Variants in CNTN3 observed in about 807,000 individuals in gnomAD.
CNTN3 encodes the protein contactin 3, also known as contactin-3.
A neutral mutation model predicts 119.1 loss-of-function variants in CNTN3; 60 were observed. That is an observed-to-expected ratio of 0.50 (90% CI 0.41 to 0.62). The LOEUF is 0.62. Among genes scored for constraint, CNTN3 ranks in the 20% least tolerant of loss-of-function variants. The pLI is 0.00. For synonymous variants in CNTN3, 450 were observed against 438.7 expected (o/e 1.03, Z -0.32); for missense variants, 1,101 against 1,242.4 (o/e 0.89, Z 1.71).
chr3:74,581,974 T>C (rs543046700), intron 1 of CNTN3, among the ~76,000 whole-genome samples: 2 of 152,218 alleles, frequency 1.3e-5, no homozygotes, highest in South Asian at 2.1e-4. Context: ...GGTCTAAACA[T>C]AAAACAACAA....
chr3:74,366,780 G>GTATATATATATATA (rs59223804), intron 8 of CNTN3, among the ~76,000 whole-genome samples: 1,310 of 63,634 alleles, frequency 0.021, 75 homozygotes, highest in East Asian at 0.063. Context: ...GTGTGTGTGT[G>GTATATATATATATA]TATATATATA....
intron 13 of CNTN3, among the ~76,000 whole-genome samples, chr3:74,332,066 A>T (rs1178799818): frequency 2.6e-5 from 4 of 152,204 alleles, no homozygotes; most frequent in Non-Finnish European, 4.4e-5. Context: ...ACCTATTTTT[A>T]AAACATAGTT....
At chr3:74,458,717 G>T (rs1388441978) in intron 4 of CNTN3, among the ~76,000 whole-genome samples, 2 of 152,052 alleles carry the variant, frequency 1.3e-5, no homozygotes, top group African/African-American at 4.8e-5. Flanking sequence ...CAAAGGAACA[G>T]CAGGAGAAAA....
At chr3:74,462,701 A>G (rs1702392302) in intron 4 of CNTN3, among the ~76,000 whole-genome samples, 1 of 152,064 alleles carries the variant, frequency 6.6e-6, no homozygotes, top group African/African-American at 2.4e-5. Context: ...ATATTAAAGT[A>G]AGGATCACAT....
At chr3:74,346,197 G>A (rs1210197885) in intron 11 of CNTN3, among the ~76,000 whole-genome samples, 1 of 151,912 alleles carries the variant, frequency 6.6e-6, no homozygotes, top group Non-Finnish European at 1.5e-5. Context: ...AAGAAAACAA[G>A]ATTTTATTAA....
At chr3:74,517,972 A>C (rs1703479270) in intron 2 of CNTN3, among the ~76,000 whole-genome samples, 1 of 151,998 alleles carries the variant, frequency 6.6e-6, no homozygotes, top group Non-Finnish European at 1.5e-5. Context: ...AAGACAGCTT[A>C]ACACTTAGGC....
intron 11 of CNTN3, among the ~76,000 whole-genome samples, chr3:74,337,271 T>TTAG (rs908490579): frequency 6.6e-6 from 1 of 152,120 alleles, no homozygotes; most frequent in Non-Finnish European, 1.5e-5. Context: ...CTTTGGCATC[T>TTAG]GACTAATTAA....
chr3:74,311,405 GA>G (rs908767831), intron 13 of CNTN3, among the ~76,000 whole-genome samples: 2 of 150,942 alleles, frequency 1.3e-5, no homozygotes, highest in East Asian at 1.9e-4. Flanking sequence ...GTTAGGATAA[GA>G]AAAAAAAGGT....
At chr3:74,376,951 AAAAATT>A (rs1216812818) in intron 5 of CNTN3, among the ~76,000 whole-genome samples, 1 of 152,116 alleles carries the variant, frequency 6.6e-6, no homozygotes, top group African/African-American at 2.4e-5. Context: ...CAAAAAAAAA[AAAAATT>A]AAAGAAAGGC....
intron 1 of CNTN3, among the ~76,000 whole-genome samples, chr3:74,567,558 C>A (rs760384524): frequency 2.0e-5 from 3 of 152,030 alleles, no homozygotes; most frequent in Non-Finnish European, 4.4e-5. Context: ...ACTTTAAGCA[C>A]TAGAGTGACT....
intron 1 of CNTN3, among the ~76,000 whole-genome samples, chr3:74,587,576 T>A (rs147995994): frequency 1.5e-3 from 231 of 152,044 alleles, no homozygotes; most frequent in Non-Finnish European, 2.4e-3. Flanking sequence ...AAGCTATAGG[T>A]GATTTTGAGG....
chr3:74,335,475 C>T (rs1468466676), intron 12 of CNTN3, among the ~76,000 whole-genome samples: 1 of 152,148 alleles, frequency 6.6e-6, no homozygotes, highest in Non-Finnish European at 1.5e-5. Context: ...CCACCTCCTT[C>T]CATTTGTCTA....
intron 1 of CNTN3, among the ~76,000 whole-genome samples, chr3:74,602,292 T>A: frequency 1.1e-5 from 1 of 93,076 alleles, no homozygotes. Flanking sequence ...CAAGACCTGG[T>A]CTCAAAAAAA....
At position 74,279,608 on chromosome 3, in the gene CNTN3, G is replaced by A. The variant is rs143442591; in HGVS notation, c.2704+5697C>T. ...TAGCTATGAGGACGCAAAGGCGTAA[G>A]AATGATACAATGGACTTTCGGGACT... On this transcript the variant is annotated intron_variant, in intron 20 of 22. Transcript: ENST00000263665. Among the ~76,000 whole-genome samples, 324 of 150,624 alleles carry A rather than the reference G, an allele frequency of 2.2e-3. 3 individuals are homozygous for A. The highest frequency in any genetic ancestry group is 6.8e-3 in the Middle Eastern group (2 of 294).
intron 13 of CNTN3, among the ~76,000 whole-genome samples, chr3:74,334,530 G>A (rs1474641454): frequency 1.3e-5 from 2 of 152,156 alleles, no homozygotes; most frequent in Non-Finnish European, 2.9e-5. Context: ...AATTGTAATT[G>A]TAATTATACA....
intron 9 of CNTN3, 62 bp downstream of exon 9, chr3:74,365,504 C>A: frequency 1.2e-6 from 2 of 1,601,838 alleles, no homozygotes; most frequent in Non-Finnish European, 1.7e-6. Context: ...TGCTAAACAC[C>A]AAGTGAGGAA....
intron 13 of CNTN3, among the ~76,000 whole-genome samples, chr3:74,313,470 A>C (rs73109130): frequency 0.057 from 8,632 of 152,286 alleles, 358 homozygotes; most frequent in Non-Finnish European, 0.086. Context: ...AAAAAGTGAA[A>C]ATTTTAAAAA....
chr3:74,608,359 T>G (rs551364492), intron 1 of CNTN3, among the ~76,000 whole-genome samples: 1 of 152,306 alleles, frequency 6.6e-6, no homozygotes, highest in African/African-American at 2.4e-5. Context: ...TTATTTATGG[T>G]TTAGGAAGAT....
chr3:74,291,458 T>C (rs892370357), intron 19 of CNTN3, among the ~76,000 whole-genome samples: 9 of 152,128 alleles, frequency 5.9e-5, no homozygotes, highest in Middle Eastern at 3.2e-3. Flanking sequence ...TAGTTCTAGA[T>C]CCTTGAGGAA....
Sources: gnomAD v4.1 joint callset for allele counts (sites outside exome capture counted in the v4.1 genomes callset) on GRCh38, gnomAD v4.1.1 for gene constraint, MANE v1.5 for transcripts, NCBI Gene and HGNC (gene_info 2026-07-23, HGNC 2026-07-21) for gene names.